SLC2A13: variants seen among roughly 807,000 people sequenced by gnomAD.
SLC2A13 encodes solute carrier family 2 member 13.
Under a neutral mutation model 64.4 loss-of-function variants are expected in SLC2A13, and 32 were observed. The observed-to-expected ratio is 0.50, with a 90% CI of 0.37 to 0.67. The LOEUF is 0.67. Among genes scored for constraint, SLC2A13 ranks in the 30% least tolerant of loss-of-function variants. The pLI is 0.00. For missense variants in SLC2A13, 743 were observed against 829.2 expected, an observed-to-expected ratio of 0.90 and a Z score of 1.28; for synonymous variants, 338 against 327.1, an observed-to-expected ratio of 1.03 and a Z score of -0.36.
intron 7 of SLC2A13, among the ~76,000 whole-genome samples, chr12:39,824,370 G>A (rs535889233): frequency 1.3e-5 from 2 of 152,304 alleles, no homozygotes; most frequent in South Asian, 4.1e-4. Context: ...TGGATAATGG[G>A]AGCAGGTGGG....
intron 3 of SLC2A13, among the ~76,000 whole-genome samples, chr12:40,009,613 TAC>T (rs1947489399): frequency 6.6e-6 from 1 of 152,118 alleles, no homozygotes; most frequent in African/African-American, 2.4e-5. Flanking sequence ...AAAAAACTTT[TAC>T]AGAGACAAGG....
chr12:39,986,769 A>G (rs1286536592), intron 3 of SLC2A13, among the ~76,000 whole-genome samples: 1 of 151,992 alleles, frequency 6.6e-6, no homozygotes, highest in African/African-American at 2.4e-5. Flanking sequence ...AAACCGACCA[A>G]TTTCAAAGAG....
At chr12:40,010,679 A>G (rs902593240) in intron 3 of SLC2A13, among the ~76,000 whole-genome samples, 2 of 152,210 alleles carry the variant, frequency 1.3e-5, no homozygotes, top group African/African-American at 2.4e-5. Context: ...AATCTTTCCA[A>G]AACATTCAAC....
At chr12:39,772,071 T>G (rs1940599746) in intron 7 of SLC2A13, among the ~76,000 whole-genome samples, 1 of 152,120 alleles carries the variant, frequency 6.6e-6, no homozygotes, top group Admixed American at 6.5e-5. Context: ...TCAACTCCTT[T>G]TCACTTTCCT....
At chr12:39,786,922 A>G (rs1442270335) in intron 7 of SLC2A13, among the ~76,000 whole-genome samples, 2 of 152,242 alleles carry the variant, frequency 1.3e-5, no homozygotes, top group African/African-American at 2.4e-5. Flanking sequence ...CATAGCAGTC[A>G]TAATAGCCAG....
chr12:39,931,210 C>G (rs1486225801), intron 4 of SLC2A13, among the ~76,000 whole-genome samples: 2 of 152,210 alleles, frequency 1.3e-5, no homozygotes, highest in African/African-American at 4.8e-5. Flanking sequence ...TGCGCCCCCT[C>G]CCTCCCTAAC....
At chr12:40,049,367 CA>C (rs1044511110) in intron 1 of SLC2A13, among the ~76,000 whole-genome samples, 1 of 152,000 alleles carries the variant, frequency 6.6e-6, no homozygotes. Flanking sequence ...TTTATGATGG[CA>C]AAAAAACAGC....
rs201790455 is a variant in SLC2A13 at position 39,951,395 on chromosome 12, A to C, written c.926-30T>G. ...TTTAAGAAAGAAAGAAAAAAAAAATACAACTATTATTTTTAGCTCTCATAG... is the reference window on the plus strand; with the variant it reads ...TTTAAGAAAGAAAGAAAAAAAAAATCCAACTATTATTTTTAGCTCTCATAG... On this transcript the variant is annotated intron_variant, in intron 3 of 9. Coordinates refer to ENST00000280871, the MANE Select transcript of SLC2A13 (RefSeq NM_052885.4). 137 of 1,239,030 alleles carry C rather than the reference A, an allele frequency of 1.1e-4. No homozygotes were observed. The African/African-American group carries it at 1.8e-3, about 16-fold the overall frequency. 76.8% of individuals were successfully genotyped at this position (1,239,030 alleles called of 1,614,324 possible).
At chr12:39,964,143 T>G (rs1946464030) in intron 3 of SLC2A13, among the ~76,000 whole-genome samples, 1 of 152,134 alleles carries the variant, frequency 6.6e-6, no homozygotes, top group Admixed American at 6.6e-5. Context: ...ACTATATATA[T>G]AAAAATGAAC....
chr12:39,834,590 A>G (rs939279225), intron 6 of SLC2A13, among the ~76,000 whole-genome samples: 1 of 152,048 alleles, frequency 6.6e-6, no homozygotes, highest in African/African-American at 2.4e-5. Flanking sequence ...CTGCCCCTCC[A>G]TACCATTTCG....
At chr12:39,966,777 G>A (rs1054948648) in intron 3 of SLC2A13, among the ~76,000 whole-genome samples, 5 of 152,106 alleles carry the variant, frequency 3.3e-5, no homozygotes, top group African/African-American at 1.2e-4. Flanking sequence ...CGAAAGATAC[G>A]TCTCCAGATG....
chr12:39,803,605 T>G (rs1479162577), intron 7 of SLC2A13, among the ~76,000 whole-genome samples: 1 of 151,894 alleles, frequency 6.6e-6, no homozygotes, highest in Admixed American at 6.6e-5. Flanking sequence ...GAAAAAAGAA[T>G]CCTTCAACAG....
chr12:39,774,844 A>T (rs1026477817), intron 7 of SLC2A13, among the ~76,000 whole-genome samples: 2 of 152,158 alleles, frequency 1.3e-5, no homozygotes, highest in African/African-American at 4.8e-5. Context: ...TACCTTATAT[A>T]CCCCAAGTAT....
At chr12:40,014,470 C>A (rs187047580) in intron 3 of SLC2A13, among the ~76,000 whole-genome samples, 6 of 152,206 alleles carry the variant, frequency 3.9e-5, no homozygotes, top group African/African-American at 1.4e-4. Context: ...TTGGACTAGT[C>A]CAGATTATAA....
chr12:40,096,632 C>T (rs1938953118), intron 1 of SLC2A13, among the ~76,000 whole-genome samples: 1 of 152,014 alleles, frequency 6.6e-6, no homozygotes, highest in Non-Finnish European at 1.5e-5. Flanking sequence ...TCTTTTCCCT[C>T]TTATTTGCTC....
intron 1 of SLC2A13, among the ~76,000 whole-genome samples, chr12:40,061,113 G>A (rs1337364521): frequency 6.6e-6 from 1 of 151,792 alleles, no homozygotes; most frequent in African/African-American, 2.4e-5. Context: ...AACTACTTGA[G>A]AAAAAATTGT....
intron 6 of SLC2A13, among the ~76,000 whole-genome samples, chr12:39,832,053 T>G (rs1452889390): frequency 6.6e-6 from 1 of 152,182 alleles, no homozygotes; most frequent in Non-Finnish European, 1.5e-5. Context: ...GTCACCCCTA[T>G]TTTTGAATGA....
rs11173598 is a variant in SLC2A13 at position 39,793,651 on chromosome 12, C to T, written c.1446-28793G>A. ...CTGGCCCTTACTAGGATATATATTG[C>T]GTTAGGTAGATGGAGCTGGGACCTC... On this transcript the variant is annotated intron_variant, in intron 7 of 9. Coordinates refer to ENST00000280871, the MANE Select transcript of SLC2A13 (RefSeq NM_052885.4). Among the ~76,000 whole-genome samples the T allele has an allele frequency of 9.0e-4, 137 of 152,160 alleles. 1 individual carries two copies. Among genetic ancestry groups the T allele is most frequent in the East Asian group, 7.3e-3 (38 of 5,178 alleles).
At chr12:40,002,489 A>C (rs1352952678) in intron 3 of SLC2A13, among the ~76,000 whole-genome samples, 5 of 152,228 alleles carry the variant, frequency 3.3e-5, no homozygotes. Flanking sequence ...CAACAAAATA[A>C]ATAAAATCTG....
Sources: allele counts gnomAD v4.1 joint callset (sites outside exome capture counted in the v4.1 genomes callset), GRCh38; gene constraint gnomAD v4.1.1; transcripts MANE v1.5; gene names NCBI Gene and HGNC (gene_info 2026-07-23, HGNC 2026-07-21).